SERPINB5: variants seen among roughly 807,000 people sequenced by gnomAD.
SERPINB5 encodes the protein serpin B5.
In SERPINB5, 27 loss-of-function variants were observed where a neutral mutation model predicts 32.2. That is an observed-to-expected ratio of 0.84 (90% confidence interval 0.62 to 1.16). The LOEUF (loss-of-function observed/expected upper bound fraction) is 1.16. Among genes scored for constraint, SERPINB5 ranks in the 50% most tolerant of loss-of-function variants. SERPINB5 has a pLI of 0.00. For missense variants in SERPINB5, 388 were observed against 436.3 expected, an observed-to-expected ratio of 0.89 and a Z score of 0.99; for synonymous variants, 154 against 157.4, an observed-to-expected ratio of 0.98 and a Z score of 0.16.
At chr18:63,496,796 G>A (rs560102193) in intron 5 of SERPINB5, among the ~76,000 whole-genome samples, 13 of 152,284 alleles carry the variant, frequency 8.5e-5, no homozygotes, top group South Asian at 4.1e-4. Context: ...ACAACTTAGC[G>A]TGAATTAATT....
Position 63,499,303 on chromosome 18 carries a change from G to T in SERPINB5, c.735+16G>T. 1.3e-6 allele frequency: 2 copies of T among 1,526,150 alleles called. No homozygotes were observed. The highest frequency in any genetic ancestry group is 1.8e-6 in the Non-Finnish European group (2 of 1,132,842). The allele number at this position is 1,526,150 out of a possible 1,614,324, so 94.5% of individuals were successfully genotyped here. On this transcript the variant is annotated intron_variant, in intron 6 of 6. Transcript: ENST00000382771. Reference sequence around the variant, plus strand: ...CTTGGAGAAGGTAAGGAGAAGGCAGGTGCTCTCCACAAAGGCACCCCCTGC... The same window carrying T: ...CTTGGAGAAGGTAAGGAGAAGGCAGTTGCTCTCCACAAAGGCACCCCCTGC...
intron 6 of SERPINB5, among the ~76,000 whole-genome samples, chr18:63,501,571 G>C (rs1438296956): frequency 2.6e-5 from 4 of 152,150 alleles, no homozygotes; most frequent in Non-Finnish European, 5.9e-5. Flanking sequence ...TAATGGGATG[G>C]CTGGGTTAAA....
chr18:63,496,136 G>A (rs76641208), intron 5 of SERPINB5, among the ~76,000 whole-genome samples: 628 of 33,338 alleles, frequency 0.019, 5 homozygotes, highest in African/African-American at 0.042. Context: ...AAGATATGTC[G>A]TCTCAACATG....
intron 2 of SERPINB5, chr18:63,485,752 A>C (rs1202009936): frequency 6.6e-6 from 1 of 152,546 alleles, no homozygotes; most frequent in Non-Finnish European, 1.5e-5. Context: ...TGGGCTCTTA[A>C]ATTTTCTGGT....
At chr18:63,491,042 T>C (rs1909322348) in intron 4 of SERPINB5, among the ~76,000 whole-genome samples, 1 of 152,164 alleles carries the variant, frequency 6.6e-6, no homozygotes. Context: ...CCTCATAGCT[T>C]AGCTCCCACT....
chr18:63,502,137 ATT>A lies in SERPINB5; in HGVS notation c.736-1178_736-1177del, dbSNP rs11403937. Among the ~76,000 whole-genome samples the A allele has an allele frequency of 7.0e-3, 973 of 138,968 alleles. 7 individuals carry two copies. Among genetic ancestry groups the A allele is most frequent in the African/African-American group, 0.024 (922 of 37,694 alleles). 91.2% of individuals were successfully genotyped at this position (138,968 alleles called of 152,430 possible). A position where few individuals can be genotyped will look rare whatever the true frequency, so the allele number is the denominator to read the frequency against. On this transcript the variant is annotated intron_variant, in intron 6 of 6. Coordinates refer to ENST00000382771, the MANE Select transcript of SERPINB5 (RefSeq NM_002639.5). The stretch of plus-strand genomic sequence containing the variant: ...AATGACCTTTTGAGTTTTGGAAATG[ATT>A]TTTTTTTTTTTTTTGAGATGGAGTC...
chr18:63,482,120 C>T (rs1489180658), intron 1 of SERPINB5, among the ~76,000 whole-genome samples: 5 of 152,218 alleles, frequency 3.3e-5, no homozygotes, highest in Non-Finnish European at 5.9e-5. Flanking sequence ...GAGATATAAT[C>T]GATTTAAGTC....
chr18:63,497,395 A>G (rs1909471839), intron 5 of SERPINB5: 1 of 1,221,814 alleles, frequency 8.2e-7, no homozygotes, highest in Non-Finnish European at 1.2e-6. Flanking sequence ...CCTCTTCGCC[A>G]TGTGAAGCTC....
rs1568110280 is a variant in SERPINB5 at position 63,491,411 on chromosome 18, A to ACCCC, written c.425-1542_425-1541insCCCC. Among the ~76,000 whole-genome samples, 21 of 144,752 alleles carry ACCCC rather than the reference A, an allele frequency of 1.5e-4. 1 individual carries two copies. Among genetic ancestry groups the ACCCC allele is most frequent in the Admixed American group, 3.4e-4 (5 of 14,908 alleles). 95.0% of individuals were successfully genotyped at this position (144,752 alleles called of 152,430 possible). ...GAGAGAAACTGCGTCTCCCAAAAAA[A>ACCCC]AAAAAAAAAAAAAAAAAGAATAATG... On this transcript the variant is annotated intron_variant, in intron 4 of 6. Coordinates refer to ENST00000382771, the MANE Select transcript of SERPINB5 (RefSeq NM_002639.5).
At chr18:63,483,933 T>C (rs1168274127) in intron 1 of SERPINB5, among the ~76,000 whole-genome samples, 1 of 152,228 alleles carries the variant, frequency 6.6e-6, no homozygotes, top group Non-Finnish European at 1.5e-5. Context: ...GGACTTAACA[T>C]ATCTTTTTGG....
chr18:63,478,375 G>A lies in SERPINB5; in HGVS notation c.-8+1330G>A, dbSNP rs181295533. Among the ~76,000 whole-genome samples the A allele has an allele frequency of 2.6e-3, 399 of 152,204 alleles. 4 individuals are homozygous for A. The highest frequency in any genetic ancestry group is 6.6e-3 in the Admixed American group (101 of 15,284). ...TATGATGCTTCAGAGCAAAGCAGAC[G>A]CCCCCCTGCCATGGGAAATTAAAGC... On this transcript the variant is annotated intron_variant, in intron 1 of 6. Transcript: ENST00000382771.
intron 1 of SERPINB5, among the ~76,000 whole-genome samples, chr18:63,479,182 C>G (rs1917085174): frequency 6.6e-6 from 1 of 152,064 alleles, no homozygotes; most frequent in African/African-American, 2.4e-5. Context: ...ATATATTGTT[C>G]AAATCAGGAT....
rs1568108309 is a variant in SERPINB5 at position 63,484,525 on chromosome 18, A to G, written c.97A>G (p.Ile33Val). The G allele has an allele frequency of 4.3e-6, 7 of 1,614,134 alleles. No individual in the cohort carries two copies. Among genetic ancestry groups the G allele is most frequent in the Admixed American group, 1.7e-5 (1 of 60,012 alleles). The change falls in exon 2 of 7, where the codon ATC becomes GTC. Residue 33 changes from isoleucine to valine, a missense_variant. Physicochemically the swap from Ile to Val is conservative, Grantham distance 29. Coordinates refer to ENST00000382771, the MANE Select transcript of SERPINB5 (RefSeq NM_002639.5). The part of the protein sequence containing the change: ...EPLGNVLFSP[I>V]CLSTSLSLAQ... ...ACTGGGCAATGTCCTCTTCTCTCCA[A>G]TCTGTCTCTCCACCTCTCTGTCACT...
Position 63,489,424 on chromosome 18 carries a change from G to A in SERPINB5, c.384G>A (p.Thr128=), listed in dbSNP as rs757336116. The part of the protein sequence containing the change: ...TVDFKDKLEE[T]KGQINNSIKD... ...ACTTCAAAGATAAATTGGAAGAAAC[G>A]AAAGGTCAGATCAACAACTCAATTA... Residue 128 remains threonine, a synonymous_variant, in exon 4 of 7, where the codon ACG becomes ACA. Transcript: ENST00000382771. The A allele has an allele frequency of 7.4e-6, 12 of 1,612,974 alleles. No individual in the cohort carries two copies. In the South Asian group the frequency reaches 9.9e-5, roughly 13 times the overall value.
chr18:63,492,418 A>G (rs557482087), intron 4 of SERPINB5, among the ~76,000 whole-genome samples: 1 of 152,214 alleles, frequency 6.6e-6, no homozygotes, highest in Non-Finnish European at 1.5e-5. Context: ...GGAGATAATG[A>G]TCTTTGCCTT....
intron 1 of SERPINB5, among the ~76,000 whole-genome samples, chr18:63,477,899 G>A (rs2144490047): frequency 6.6e-6 from 1 of 152,262 alleles, no homozygotes; most frequent in Admixed American, 6.5e-5. Context: ...GAGGTGATCT[G>A]GTGTCCAAAG....
chr18:63,478,652 T>G (rs1260642794), intron 1 of SERPINB5, among the ~76,000 whole-genome samples: 2 of 152,200 alleles, frequency 1.3e-5, no homozygotes, highest in Non-Finnish European at 2.9e-5. Context: ...TAAGGACTGG[T>G]TATACCAAAT....
intron 5 of SERPINB5, chr18:63,493,758 C>T (rs1344064574): frequency 6.5e-6 from 1 of 152,772 alleles, no homozygotes; most frequent in East Asian, 1.9e-4. Context: ...ACATGGGAGG[C>T]TGAGGCAGGA....
intron 5 of SERPINB5, chr18:63,497,159 A>G (rs1909464374): frequency 7.7e-6 from 5 of 652,792 alleles, no homozygotes; most frequent in South Asian, 6.8e-5. Context: ...GTTCTAGACC[A>G]GGTTGTCTCC....
Sources: allele counts gnomAD v4.1 joint callset (sites outside exome capture counted in the v4.1 genomes callset), GRCh38; gene constraint gnomAD v4.1.1; transcripts MANE v1.5; gene names NCBI Gene and HGNC (gene_info 2026-07-23, HGNC 2026-07-21).